PDILT: variants seen among roughly 807,000 people sequenced by gnomAD.
The protein encoded by PDILT is protein disulfide isomerase like, testis expressed, also known as protein disulfide-isomerase-like protein of the testis.
PDILT carries 43 observed loss-of-function variants against 53.7 expected under a neutral mutation model. That is an observed-to-expected ratio of 0.80 (90% CI 0.63 to 1.03). The LOEUF is 1.03. Ranked by LOEUF, PDILT falls within the 50% of genes least tolerant of loss-of-function variation. The pLI, the probability that PDILT is intolerant of heterozygous loss-of-function variation, is 0.00. For synonymous variants in PDILT, 282 were observed against 274.2 expected (o/e 1.03, Z -0.28); for missense variants, 727 against 712.3 (o/e 1.02, Z -0.24).
intron 2 of PDILT, among the ~76,000 whole-genome samples, chr16:20,395,484 G>T (rs1020718019): frequency 6.6e-6 from 1 of 152,218 alleles, no homozygotes; most frequent in African/African-American, 2.4e-5. Flanking sequence ...TCAAGGATGA[G>T]GGAGTCAGAA....
chr16:20,373,118 T>G lies in PDILT; in HGVS notation c.686A>C (p.Lys229Thr). The change falls in exon 6 of 12, where the codon AAA becomes ACA. Residue 229 changes from lysine to threonine, a missense_variant. Lys to Thr is a moderately conservative substitution (Grantham distance 78). Transcript: ENST00000302451. ...AATAAGCTTTTGGCGGTTCACAATT[T>G]TTCCCTTGTACAAAAGGAGAAACAT... Reference protein sequence around the residue: ...LDSVLVFKKGKIVNRQKLIND... With the variant: ...LDSVLVFKKGTIVNRQKLIND... 1.2e-6 allele frequency: 2 copies of G among 1,613,706 alleles called. No homozygotes were observed. Among genetic ancestry groups the G allele is most frequent in the South Asian group, 1.1e-5 (1 of 91,056 alleles).
chr16:20,388,204 C>T (rs746587931), intron 2 of PDILT, among the ~76,000 whole-genome samples: 2 of 152,032 alleles, frequency 1.3e-5, no homozygotes, highest in African/African-American at 2.4e-5. Context: ...ATATTGATGG[C>T]GATGTTGATA....
intron 3 of PDILT, among the ~76,000 whole-genome samples, chr16:20,383,943 A>C (rs1017468259): frequency 2.6e-5 from 4 of 152,252 alleles, no homozygotes; most frequent in Admixed American, 2.6e-4. Flanking sequence ...GGCTTGGCAC[A>C]TGGTAGCTTG....
At chr16:20,392,906 C>T (rs1966623008) in intron 2 of PDILT, among the ~76,000 whole-genome samples, 1 of 152,180 alleles carries the variant, frequency 6.6e-6, no homozygotes, top group Non-Finnish European at 1.5e-5. Flanking sequence ...GCAGAGCCTT[C>T]TATTCTCATG....
chr16:20,372,023 GA>G (rs992552426), intron 7 of PDILT, among the ~76,000 whole-genome samples: 8 of 151,446 alleles, frequency 5.3e-5, no homozygotes, highest in Non-Finnish European at 7.4e-5. Flanking sequence ...TTTTAAAAGA[GA>G]AAAAAAACCC....
chr16:20,377,293 A>C (rs1345585370), intron 3 of PDILT, among the ~76,000 whole-genome samples: 1 of 152,246 alleles, frequency 6.6e-6, no homozygotes, highest in East Asian at 1.9e-4. Flanking sequence ...AAATAAATTT[A>C]TGAGATAAAG....
chr16:20,370,592 T>G (rs1966291722), intron 7 of PDILT, among the ~76,000 whole-genome samples: 2 of 152,162 alleles, frequency 1.3e-5, no homozygotes, highest in African/African-American at 4.8e-5. Flanking sequence ...TCAGTGTGGC[T>G]TTGTCAGAGG....
intron 8 of PDILT, among the ~76,000 whole-genome samples, chr16:20,368,133 T>A (rs886844944): frequency 1.1e-4 from 16 of 152,072 alleles, no homozygotes; most frequent in African/African-American, 3.9e-4. Flanking sequence ...GGTACTGCAA[T>A]CTCCGGGTTG....
chr16:20,361,785 G>A (rs1319780519), intron 10 of PDILT, among the ~76,000 whole-genome samples: 2 of 152,114 alleles, frequency 1.3e-5, no homozygotes, highest in African/African-American at 4.8e-5. Flanking sequence ...AGAGTCCTGG[G>A]TCTGCATGGA....
chr16:20,369,626 C>T lies in PDILT; in HGVS notation c.982G>A (p.Val328Ile), dbSNP rs750929453. 4.3e-6 allele frequency: 7 copies of T among 1,614,154 alleles called. No homozygotes were observed. Among genetic ancestry groups the T allele is most frequent in the Non-Finnish European group, 5.1e-6 (6 of 1,180,036 alleles). Residue 328 changes from valine to isoleucine, a missense_variant, in exon 8 of 12, where the codon GTC becomes ATC. Transcript: ENST00000302451. ...RNGRVFKYFR[V>I]TEVDIPSVQI... is the part of the protein sequence containing the mutation. ...ACGGATGGGATATCGACCTCTGTGA[C>T]CCGGAAGTACTTGAAGACACGTCCA...
intron 2 of PDILT, among the ~76,000 whole-genome samples, chr16:20,386,275 G>A (rs1273139899): frequency 6.6e-6 from 1 of 152,154 alleles, no homozygotes; most frequent in Non-Finnish European, 1.5e-5. Flanking sequence ...GCCCAAGTGT[G>A]CCTTTCTTCC....
At chr16:20,368,381 T>C (rs1440328462) in intron 8 of PDILT, among the ~76,000 whole-genome samples, 3 of 151,594 alleles carry the variant, frequency 2.0e-5, no homozygotes, top group African/African-American at 4.9e-5. Flanking sequence ...TTTCTGAAGA[T>C]GAAAGAAGGA....
intron 10 of PDILT, among the ~76,000 whole-genome samples, chr16:20,361,782 T>G (rs1032872742): frequency 1.3e-5 from 2 of 152,194 alleles, no homozygotes; most frequent in Non-Finnish European, 2.9e-5. Context: ...TGCAGAGTCC[T>G]GGGTCTGCAT....
chr16:20,397,692 A>G (rs1446413685), intron 2 of PDILT, among the ~76,000 whole-genome samples: 2 of 152,168 alleles, frequency 1.3e-5, no homozygotes, highest in Non-Finnish European at 2.9e-5. Context: ...TCTCAGAACA[A>G]CAGCCGCGAG....
At chr16:20,402,245 G>A (rs573578049) in intron 1 of PDILT, among the ~76,000 whole-genome samples, 2 of 151,124 alleles carry the variant, frequency 1.3e-5, no homozygotes, top group South Asian at 4.2e-4. Flanking sequence ...GAGAAAAGGT[G>A]GATAAGAGAA....
intron 3 of PDILT, among the ~76,000 whole-genome samples, chr16:20,378,110 T>A (rs956066015): frequency 6.6e-6 from 1 of 152,240 alleles, no homozygotes; most frequent in African/African-American, 2.4e-5. Context: ...CCTGAGCTAC[T>A]AAATCAACTG....
intron 1 of PDILT, among the ~76,000 whole-genome samples, chr16:20,402,935 ACTGTGGCTCCG>A (rs1172917727): frequency 6.6e-6 from 1 of 152,080 alleles, no homozygotes; most frequent in Admixed American, 6.5e-5. Context: ...GCCTGACACC[ACTGTGGCTCCG>A]CTGTGTCCCC....
At chr16:20,365,654 C>A in intron 8 of PDILT, 114 bp from the exon 9 acceptor site, 1 of 1,336,692 alleles carries the variant, frequency 7.5e-7, no homozygotes, top group Non-Finnish European at 1.0e-6. Context: ...TTCACAAGAG[C>A]CTTAGGAAAG....
At chr16:20,360,024 T>A (rs1275266761) in intron 11 of PDILT, among the ~76,000 whole-genome samples, 2 of 152,296 alleles carry the variant, frequency 1.3e-5, no homozygotes, top group East Asian at 3.9e-4. Context: ...GAAACCAACA[T>A]AGAGGAAAAC....
Sources: allele counts gnomAD v4.1 joint callset (sites outside exome capture counted in the v4.1 genomes callset), GRCh38; gene constraint gnomAD v4.1.1; transcripts MANE v1.5; gene names NCBI Gene and HGNC (gene_info 2026-07-23, HGNC 2026-07-21).